RP1: variants seen among roughly 807,000 people sequenced by gnomAD.
The protein encoded by RP1 is RP1 axonemal microtubule associated.
A neutral mutation model predicts 14.8 loss-of-function variants in RP1; 16 were observed. The observed-to-expected ratio is 1.08, with a 90% CI of 0.73 to 1.65. The LOEUF (loss-of-function observed/expected upper bound fraction) is 1.65, where lower values mean the gene tolerates loss of function less well. Ranked by LOEUF, RP1 falls within the 40% of genes most tolerant of loss-of-function variation. The pLI is 0.00. For synonymous variants in RP1, 876 were observed against 883.6 expected, an observed-to-expected ratio of 0.99 and a Z score of 0.15; for missense variants, 2,631 against 2,535.0, an observed-to-expected ratio of 1.04 and a Z score of -0.81.
At position 54,627,134 on chromosome 8, in the gene RP1, A is replaced by C. The variant is rs779943682; in HGVS notation, c.3252A>C (p.Pro1084=). 4 of 1,613,992 alleles carry C rather than the reference A, an allele frequency of 2.5e-6. No individual in the cohort carries two copies. Among genetic ancestry groups the C allele is most frequent in the Non-Finnish European group, 3.4e-6 (4 of 1,180,004 alleles). Reference sequence around the variant, plus strand: ...AGGAAACTCCAAAAGACCTCTTACCAGTCCTGATGCTTCACCAATTGCAAG... The same window carrying C: ...AGGAAACTCCAAAAGACCTCTTACCCGTCCTGATGCTTCACCAATTGCAAG... ...IEEETPKDLL[P]VLMLHQLQAS... The change falls in exon 4 of 4, where the codon CCA becomes CCC. Residue 1084 remains proline, a synonymous_variant. Coordinates refer to ENST00000220676, the MANE Select transcript of RP1 (RefSeq NM_006269.2).
chr8:54,842,705 A>C (rs548376970), intron 25 of RP1, among the ~76,000 whole-genome samples: 1 of 152,288 alleles, frequency 6.6e-6, no homozygotes, highest in East Asian at 1.9e-4. Flanking sequence ...CTTTGCTTAC[A>C]ACCCTCCAAA....
At chr8:54,656,147 G>A (rs1428339457) in exon 6 of RP1, 9 of 1,535,402 alleles carry the variant, frequency 5.9e-6, no homozygotes, top group East Asian at 2.4e-5. Context: ...TGGTTGGCAC[G>A]AGATCAAGAG....
intron 12 of RP1, among the ~76,000 whole-genome samples, chr8:54,684,027 G>A (rs1247179100): frequency 7.0e-6 from 1 of 143,478 alleles, no homozygotes; most frequent in Non-Finnish European, 1.5e-5. Context: ...ATGAAGGGAT[G>A]TTGAATTTTA....
chr8:54,846,870 G>T (rs1299867042), intron 25 of RP1, among the ~76,000 whole-genome samples: 1 of 152,160 alleles, frequency 6.6e-6, no homozygotes, highest in Non-Finnish European at 1.5e-5. Context: ...AATGTCTGCT[G>T]AAGGAAGCAC....
At chr8:54,686,511 T>C (rs1428577702) in intron 12 of RP1, among the ~76,000 whole-genome samples, 2 of 152,122 alleles carry the variant, frequency 1.3e-5, no homozygotes, top group Admixed American at 1.3e-4. Context: ...CTGAACCACT[T>C]CTAGGCAATA....
At chr8:54,870,902 A>G (rs1213595490) in exon 29 of RP1, 1 of 151,972 alleles carries the variant, frequency 6.6e-6, no homozygotes, top group Non-Finnish European at 1.5e-5. Flanking sequence ...GTGACCCTAG[A>G]AGTCTGACTT....
chr8:54,702,566 G>T (rs1808050619), intron 14 of RP1, among the ~76,000 whole-genome samples: 1 of 152,144 alleles, frequency 6.6e-6, no homozygotes, highest in Non-Finnish European at 1.5e-5. Flanking sequence ...GGGGGGTCTT[G>T]CCTCGATATT....
chr8:54,813,978 C>T (rs558404046), intron 24 of RP1, among the ~76,000 whole-genome samples: 1 of 152,262 alleles, frequency 6.6e-6, no homozygotes, highest in African/African-American at 2.4e-5. Flanking sequence ...TATAACCTCT[C>T]TGAATCTTAG....
At chr8:54,741,705 G>GTGTA (rs1331442891) in intron 19 of RP1, among the ~76,000 whole-genome samples, 1 of 75,902 alleles carries the variant, frequency 1.3e-5, no homozygotes, top group African/African-American at 5.9e-5. Context: ...ACAAATGTGT[G>GTGTA]TGTATATATA....
At chr8:54,586,341 T>C (rs1420686182) in intron 1 of RP1, among the ~76,000 whole-genome samples, 1 of 152,218 alleles carries the variant, frequency 6.6e-6, no homozygotes, top group Non-Finnish European at 1.5e-5. Context: ...TGTTACTGCC[T>C]GATCCTTCCT....
chr8:54,852,062 A>G (rs1812070892), intron 25 of RP1, among the ~76,000 whole-genome samples: 1 of 152,166 alleles, frequency 6.6e-6, no homozygotes, highest in Admixed American at 6.5e-5. Flanking sequence ...CTGGTACCTT[A>G]CTGGACTTTT....
At chr8:54,796,585 A>G (rs184672502) in intron 24 of RP1, among the ~76,000 whole-genome samples, 74 of 152,330 alleles carry the variant, frequency 4.9e-4, no homozygotes, top group African/African-American at 1.7e-3. Context: ...GAGAGAGAAC[A>G]CTATTTAGTG....
intron 22 of RP1, among the ~76,000 whole-genome samples, chr8:54,762,157 C>A (rs942031202): frequency 3.3e-5 from 5 of 152,102 alleles, no homozygotes; most frequent in Admixed American, 6.6e-5. Flanking sequence ...TACAGGCATC[C>A]AAAATGCTCA....
chr8:54,787,247 G>A lies in RP1; in HGVS notation c.3615+3537G>A, dbSNP rs149005136. On this transcript the variant is annotated intron_variant, in intron 24 of 28. Coordinates refer to the RP1 transcript ENST00000637698. The stretch of plus-strand genomic sequence containing the variant: ...AGGAAAACAATCAAGGCAAAATTAA[G>A]AGCAAAATGTCCATTACGGCAGAAA... Among the ~76,000 whole-genome samples the A allele has an allele frequency of 4.2e-3, 635 of 152,196 alleles. 11 individuals are homozygous for A. The highest frequency in any genetic ancestry group is 0.01 in the South Asian group (50 of 4,824).
chr8:54,828,200 C>T (rs1425145099), intron 24 of RP1, among the ~76,000 whole-genome samples: 1 of 152,184 alleles, frequency 6.6e-6, no homozygotes, highest in Non-Finnish European at 1.5e-5. Context: ...AAAAGTACAG[C>T]ATAGTAAATA....
intron 24 of RP1, among the ~76,000 whole-genome samples, chr8:54,837,022 G>A (rs986906115): frequency 5.9e-5 from 9 of 152,206 alleles, no homozygotes; most frequent in African/African-American, 1.2e-4. Context: ...GAATCACAGC[G>A]TGAACCCTAG....
chr8:54,679,193 A>G (rs1269874067), intron 9 of RP1, among the ~76,000 whole-genome samples: 1 of 152,150 alleles, frequency 6.6e-6, no homozygotes, highest in African/African-American at 2.4e-5. Context: ...TTAGGCAAAA[A>G]CATATTTTAG....
chr8:54,757,510 A>G (rs1244453771), intron 21 of RP1, among the ~76,000 whole-genome samples: 1 of 152,206 alleles, frequency 6.6e-6, no homozygotes, highest in Non-Finnish European at 1.5e-5. Context: ...ACAGTGAGGC[A>G]GGAAAGGAGA....
chr8:54,668,446 C>A (rs1212893066), intron 7 of RP1, among the ~76,000 whole-genome samples: 1 of 152,144 alleles, frequency 6.6e-6, no homozygotes, highest in Non-Finnish European at 1.5e-5. Flanking sequence ...AATGGCCATA[C>A]TGCCCAAGGT....
Sources: allele counts gnomAD v4.1 joint callset (sites outside exome capture counted in the v4.1 genomes callset), GRCh38; gene constraint gnomAD v4.1.1; transcripts MANE v1.5; gene names NCBI Gene and HGNC (gene_info 2026-07-23, HGNC 2026-07-21).